Variants in DRG2 observed in about 807,000 individuals in gnomAD.
DRG2 encodes the protein developmentally-regulated GTP-binding protein 2.
Under a neutral mutation model 53.4 loss-of-function variants are expected in DRG2, and 36 were observed. The ratio of observed to expected loss-of-function variants is 0.67; its 90% CI spans 0.52 to 0.89. The LOEUF is 0.89. Among genes scored for constraint, DRG2 ranks in the 40% least tolerant of loss-of-function variants. The pLI is 0.00. For synonymous variants in DRG2, 167 were observed against 192.1 expected, an observed-to-expected ratio of 0.87 and a Z score of 1.08; for missense variants, 342 against 481.2, an observed-to-expected ratio of 0.71 and a Z score of 2.71.
At position 18,100,702 on chromosome 17, in the gene DRG2, C is replaced by T. The variant is rs548407935; in HGVS notation, c.631+43C>T. On this transcript the variant is annotated intron_variant, in intron 7 of 12. Coordinates refer to ENST00000225729, the MANE Select transcript of DRG2 (RefSeq NM_001388.5). This position sits in a 1 kb window ranked among gnomAD's most constrained non-coding sequence, Gnocchi z 4.1. Reference sequence around the variant, plus strand: ...ACACGTGAAGGAGGGCAGCCACCACCGTCAGCGCAGCGGGGGGACTGACTA... The same window carrying T: ...ACACGTGAAGGAGGGCAGCCACCACTGTCAGCGCAGCGGGGGGACTGACTA... The T allele has an allele frequency of 4.5e-5, 71 of 1,570,600 alleles. No individual in the cohort carries two copies. The East Asian group carries it at 8.2e-4, about 18-fold the overall frequency.
rs567060642 is a variant in DRG2, at chr17:18,103,463, C to T, written c.807-338C>T. ...CTCTCAAGGAGTGAACTCTGGGTGT[C>T]AGGGTTCCTAGCCTTTGCCCATGGT... On this transcript the variant is annotated intron_variant, in intron 9 of 12. Coordinates refer to ENST00000225729, the MANE Select transcript of DRG2 (RefSeq NM_001388.5). The surrounding 1 kb of genome is among the most constrained non-coding windows in gnomAD (Gnocchi z 4.4). 2.0e-5 allele frequency among the ~76,000 whole-genome samples: 3 copies of T among 152,278 alleles called. No individual in the cohort carries two copies. Among genetic ancestry groups the T allele is most frequent in the South Asian group, 4.1e-4 (2 of 4,822 alleles).
Position 18,103,896 on chromosome 17 carries a change from T to G in DRG2, c.895+7T>G, listed in dbSNP as rs200087685. The G allele has an allele frequency of 6.2e-7, 1 of 1,613,742 alleles. No individual in the cohort carries two copies. Among genetic ancestry groups the G allele is most frequent in the East Asian group, 2.2e-5 (1 of 44,872 alleles). On this transcript the variant is annotated splice_region_variant and intron_variant, in intron 10 of 12. Coordinates refer to ENST00000225729, the MANE Select transcript of DRG2 (RefSeq NM_001388.5). The surrounding 1 kb of genome is among the most constrained non-coding windows in gnomAD (Gnocchi z 4.4). ...TACACCAAGAAGAGAGGACGTGAGT[T>G]GCACTGCGCGTAGCTGAAAAACAGG...
At chr17:18,102,182 G>A (rs1239542379) in intron 9 of DRG2, among the ~76,000 whole-genome samples, 185 bp downstream of exon 9, 1 of 152,258 alleles carries the variant, frequency 6.6e-6, no homozygotes, top group Non-Finnish European at 1.5e-5. Context: ...AGGCCAAGGA[G>A]ACACTGCAGG....
chr17:18,101,625 C>T (rs1439249690), intron 8 of DRG2, 35 bp downstream of exon 8: 37 of 1,597,666 alleles, frequency 2.3e-5, no homozygotes, highest in Non-Finnish European at 3.1e-5. Flanking sequence ...CCTGGCCACT[C>T]GGCCTTTCTA....
Position 18,088,056 on chromosome 17 carries a change from G to C in DRG2, c.33G>C (p.Glu11Asp), listed in dbSNP as rs1292799736. Residue 11 changes from glutamate (E) to aspartate (D), a missense_variant, in exon 1 of 13, where the codon GAG (glutamate) becomes GAC (aspartate). By Grantham distance (45) the Glu-to-Asp change is conservative. Coordinates refer to ENST00000225729, the MANE Select transcript of DRG2 (RefSeq NM_001388.5). The stretch of plus-strand genomic sequence containing the variant: ...TCTTAGAGAAGATCTCGGAGATCGA[G>C]AAGGAGATCGCTCGGACACAGAAGA... The part of the protein sequence containing the change: MGILEKISEI[E>D]KEIARTQKNK... The C allele has an allele frequency of 6.5e-7, 1 of 1,549,232 alleles. No individual in the cohort carries two copies. Among genetic ancestry groups the C allele is most frequent in the Non-Finnish European group, 8.7e-7 (1 of 1,146,088 alleles).
intron 1 of DRG2, among the ~76,000 whole-genome samples, chr17:18,090,329 A>G (rs2045293761): frequency 7.9e-6 from 1 of 127,306 alleles, no homozygotes; most frequent in African/African-American, 3.0e-5. Context: ...CCTCTTGAGT[A>G]GCTGGGACTA....
intron 2 of DRG2, chr17:18,097,263 T>A (rs1339491897): frequency 6.6e-6 from 1 of 152,284 alleles, no homozygotes. Context: ...TCCCCAAGGC[T>A]GAGGGTTTCT....
At chr17:18,093,751 G>C in intron 1 of DRG2, 62 bp from the exon 2 acceptor site, 2 of 1,575,360 alleles carry the variant, frequency 1.3e-6, no homozygotes, top group Admixed American at 3.5e-5. Context: ...TGTGGGCCCT[G>C]CCTGACCCCT....
At position 18,098,420 on chromosome 17, in the gene DRG2, C is replaced by T; in HGVS notation, c.315+61C>T. The T allele has an allele frequency of 1.4e-6, 2 of 1,468,118 alleles. No individual in the cohort carries two copies. The highest frequency in any genetic ancestry group is 2.3e-5 in the South Asian group (2 of 87,582). 90.9% of individuals were successfully genotyped at this position (1,468,118 alleles called of 1,614,324 possible). A position where few individuals can be genotyped will look rare whatever the true frequency, so the allele number is the denominator to read the frequency against. ...CGCATGCTTGTGTTTGGACTTGTGC[C>T]TGTGCCCACCCTGTGTGTGAGTCTG... On this transcript the variant is annotated intron_variant, in intron 3 of 12. Coordinates refer to ENST00000225729, the MANE Select transcript of DRG2 (RefSeq NM_001388.5). This position sits in a 1 kb window ranked among gnomAD's most constrained non-coding sequence, Gnocchi z 4.1.
In DRG2 at chr17:18,098,300, G is replaced by A. The variant is rs1474147738; in HGVS notation, c.256G>A (p.Ala86Thr). 3 of 1,613,832 alleles carry A rather than the reference G, an allele frequency of 1.9e-6. No homozygotes were observed. The highest frequency in any genetic ancestry group is 1.7e-5 in the Admixed American group (1 of 59,998). The change falls in exon 3 of 13, where the codon GCC becomes ACC. Residue 86 changes from alanine (A) to threonine (T), a missense_variant. Physicochemically the swap from Ala to Thr is moderately conservative, Grantham distance 58. Coordinates refer to ENST00000225729, the MANE Select transcript of DRG2 (RefSeq NM_001388.5). This position sits in a 1 kb window ranked among gnomAD's most constrained non-coding sequence, Gnocchi z 4.1. ...ATTCTTGAGTCTGATGACCTCCACGGCCAGCGAGGCAGCGTCCTATGAGTT... is the reference window on the plus strand; with the variant it reads ...ATTCTTGAGTCTGATGACCTCCACGACCAGCGAGGCAGCGTCCTATGAGTT... ...STFLSLMTST[A>T]SEAASYEFTT...
chr17:18,098,468 C>T lies in DRG2; in HGVS notation c.315+109C>T. 9.9e-7 allele frequency: 1 copy of T among 1,011,308 alleles called. No homozygotes were observed. Among genetic ancestry groups the T allele is most frequent in the Non-Finnish European group, 1.5e-6 (1 of 647,248 alleles). The allele number at this position is 1,011,308 out of a possible 1,614,324, so 62.6% of individuals were successfully genotyped here. On this transcript the variant is annotated intron_variant, in intron 3 of 12. Transcript: ENST00000225729. This position sits in a 1 kb window ranked among gnomAD's most constrained non-coding sequence, Gnocchi z 4.1. ...CTGGGTGGATGTCCCCATGTCAGGA[C>T]AGGCTCTGGACTGAGCTGCTTTGCC...
chr17:18,090,299 G>A (rs2045293015), intron 1 of DRG2, among the ~76,000 whole-genome samples: 1 of 126,786 alleles, frequency 7.9e-6, no homozygotes, highest in African/African-American at 3.0e-5. Flanking sequence ...TCCTGCATTC[G>A]AGCAATCCTT....
Position 18,100,945 on chromosome 17 carries a change from T to G in DRG2, c.631+286T>G, listed in dbSNP as rs2045521943. 6.6e-6 allele frequency among the ~76,000 whole-genome samples: 1 copy of G among 152,150 alleles called. No individual in the cohort carries two copies. Among genetic ancestry groups the G allele is most frequent in the Non-Finnish European group, 1.5e-5 (1 of 68,010 alleles). ...GAAACAGCCTCTGAGGACGGGGGGTTCCTAGCCTGGAGAAGCCCCAGGGAG... is the reference window on the plus strand; with the variant it reads ...GAAACAGCCTCTGAGGACGGGGGGTGCCTAGCCTGGAGAAGCCCCAGGGAG... On this transcript the variant is annotated intron_variant, in intron 7 of 12. Coordinates refer to ENST00000225729, the MANE Select transcript of DRG2 (RefSeq NM_001388.5). This position sits in a 1 kb window ranked among gnomAD's most constrained non-coding sequence, Gnocchi z 4.1.
In DRG2 at chr17:18,103,492, G is replaced by A. The variant is rs774125609; in HGVS notation, c.807-309G>A. Among the ~76,000 whole-genome samples the A allele has an allele frequency of 6.6e-6, 1 of 152,110 alleles. No homozygotes were observed. The highest frequency in any genetic ancestry group is 1.5e-5 in the Non-Finnish European group (1 of 68,010). Reference sequence around the variant, plus strand: ...GTTCCTAGCCTTTGCCCATGGTCCCGTCACAGCCCCCGGCCATCTCGCCAT... The same window carrying A: ...GTTCCTAGCCTTTGCCCATGGTCCCATCACAGCCCCCGGCCATCTCGCCAT... On this transcript the variant is annotated intron_variant, in intron 9 of 12. Coordinates refer to ENST00000225729, the MANE Select transcript of DRG2 (RefSeq NM_001388.5). This position sits in a 1 kb window ranked among gnomAD's most constrained non-coding sequence, Gnocchi z 4.4.
At position 18,103,378 on chromosome 17, in the gene DRG2, C is replaced by T. The variant is rs1421822109; in HGVS notation, c.807-423C>T. Among the ~76,000 whole-genome samples the T allele has an allele frequency of 2.0e-5, 3 of 152,132 alleles. No individual in the cohort carries two copies. The highest frequency in any genetic ancestry group is 2.9e-5 in the Non-Finnish European group (2 of 68,022). ...TGTAAAGGCTCTGGTGTCTCCAGAG[C>T]CTTGGTTCTCCCCTCTTCTTGCTGA... On this transcript the variant is annotated intron_variant, in intron 9 of 12. Coordinates refer to ENST00000225729, the MANE Select transcript of DRG2 (RefSeq NM_001388.5). The surrounding 1 kb of genome is among the most constrained non-coding windows in gnomAD (Gnocchi z 4.4).
chr17:18,105,253 C>CTTT (rs1597731369), intron 11 of DRG2, among the ~76,000 whole-genome samples: 2 of 152,290 alleles, frequency 1.3e-5, no homozygotes, highest in East Asian at 1.9e-4. Context: ...CATGACCCTG[C>CTTT]AGGCACAGAT....
At chr17:18,088,304 G>A (rs1480933613) in intron 1 of DRG2, among the ~76,000 whole-genome samples, 3 of 152,250 alleles carry the variant, frequency 2.0e-5, no homozygotes, top group African/African-American at 7.2e-5. Context: ...AAGAGATCTG[G>A]TCAGTCCCAG....
intron 1 of DRG2, among the ~76,000 whole-genome samples, chr17:18,090,187 CTTTTTTTTTTTTT>C (rs764657114): frequency 1.0e-3 from 71 of 70,272 alleles, no homozygotes; most frequent in African/African-American, 4.3e-3. Context: ...ACACTGAATC[CTTTTTTTTTTTTT>C]TTTTTTTTTT....
In DRG2 at chr17:18,101,793, G is replaced by C. The variant is rs1597727205; in HGVS notation, c.730-128G>C. On this transcript the variant is annotated intron_variant, in intron 8 of 12. Transcript: ENST00000225729. ...GCCCAGCCTTCCCAACCCTGAGGCA[G>C]CAAGGGGAGGAAGGGCGTAGACTCA... The C allele has an allele frequency of 4.1e-6, 5 of 1,208,880 alleles. No homozygotes were observed. In the East Asian group the frequency reaches 1.3e-4, roughly 31 times the overall value. 74.9% of individuals were successfully genotyped at this position (1,208,880 alleles called of 1,614,324 possible).
Sources: gnomAD v4.1 joint callset for allele counts (sites outside exome capture counted in the v4.1 genomes callset) on GRCh38, gnomAD v4.1.1 for gene constraint, Gnocchi (gnomAD v3.1) non-coding constraint, MANE v1.5 for transcripts, NCBI Gene and HGNC (gene_info 2026-07-23, HGNC 2026-07-21) for gene names.